Variants in PAGE2B observed in about 807,000 individuals in gnomAD.
PAGE2B encodes PAGE family member 2B.
A neutral mutation model predicts 7.6 loss-of-function variants in PAGE2B; 5 were observed. The observed-to-expected ratio is 0.66, with a 90% CI of 0.34 to 1.38. The LOEUF is 1.38. PAGE2B is among the 40% of genes most tolerant of loss of function. PAGE2B has a pLI of 0.04. For missense variants in PAGE2B, 70 were observed against 78.4 expected, an observed-to-expected ratio of 0.89 and a Z score of 0.41; for synonymous variants, 29 against 26.7, an observed-to-expected ratio of 1.09 and a Z score of -0.27.
chrX:55,052,192 G>A, the PAGE2B span, among the ~76,000 whole-genome samples: 8 of 111,696 alleles, frequency 7.2e-5, no homozygotes, highest in African/African-American at 2.3e-4. Context: ...AGGAGTACCC[G>A]GCCGTGTGAG....
At chrX:55,029,986 A>G in the PAGE2B span, among the ~76,000 whole-genome samples, 1 of 80,980 alleles carries the variant, frequency 1.2e-5, no homozygotes, top group Admixed American at 2.0e-4. Context: ...TGCTTTGCAA[A>G]AGTCAATTAG....
intron 1 of PAGE2B, among the ~76,000 whole-genome samples, chrX:55,075,470 A>G (rs1436447622): frequency 9.0e-6 from 1 of 111,174 alleles, no homozygotes; most frequent in Non-Finnish European, 1.9e-5. Flanking sequence ...CCATGTGGTC[A>G]GTAAGGAAGG....
the PAGE2B span, among the ~76,000 whole-genome samples, chrX:55,058,159 G>C: frequency 1.8e-5 from 2 of 110,415 alleles, no homozygotes; most frequent in Non-Finnish European, 3.8e-5. Context: ...ATGTCAACTC[G>C]GTTGTAATAA....
chrX:55,041,324 G>A, the PAGE2B span, among the ~76,000 whole-genome samples: 11 of 109,887 alleles, frequency 1.0e-4, no homozygotes, highest in African/African-American at 2.6e-4. Context: ...CTCGTGATCC[G>A]CCCCCATCAG....
chrX:55,061,102 A>G, the PAGE2B span, among the ~76,000 whole-genome samples: 5 of 111,415 alleles, frequency 4.5e-5, no homozygotes, highest in Non-Finnish European at 9.5e-5. Flanking sequence ...GCTGCTAGTG[A>G]AAGTCCAGTG....
At chrX:55,057,016 T>A in the PAGE2B span, among the ~76,000 whole-genome samples, 1 of 111,349 alleles carries the variant, frequency 9.0e-6, no homozygotes. Context: ...TAGTACCAAA[T>A]TGATGCAGAG....
At chrX:55,074,762 T>G (rs1159023036), upstream of PAGE2B, among the ~76,000 whole-genome samples, 1 of 112,696 alleles carries the variant, frequency 8.9e-6, no homozygotes, top group Non-Finnish European at 1.9e-5. Flanking sequence ...AAACACATTA[T>G]TAGAGTAACC....
chrX:55,067,718 G>A, the PAGE2B span, among the ~76,000 whole-genome samples: 1 of 111,666 alleles, frequency 9.0e-6, no homozygotes, highest in East Asian at 2.8e-4. Flanking sequence ...AGCATCTGTT[G>A]TTTCTTGAGT....
chrX:55,073,607 C>T (rs185612142), upstream of PAGE2B, among the ~76,000 whole-genome samples: 17 of 112,036 alleles, frequency 1.5e-4, no homozygotes, highest in Admixed American at 1.6e-3. Context: ...ATCACTGAAT[C>T]TATAAATTTC....
chrX:55,038,217 C>T, the PAGE2B span, among the ~76,000 whole-genome samples: 1 of 110,769 alleles, frequency 9.0e-6, no homozygotes, highest in African/African-American at 3.3e-5. Context: ...ATATAATTCA[C>T]ATATTCATAA....
chrX:55,050,131 T>C, the PAGE2B span, among the ~76,000 whole-genome samples: 1 of 112,790 alleles, frequency 8.9e-6, no homozygotes, highest in African/African-American at 3.2e-5. Context: ...AGTGAGTTTC[T>C]TAATCCTGAG....
chrX:55,045,174 A>T, the PAGE2B span: 1 of 112,094 alleles, frequency 8.9e-6, no homozygotes, highest in East Asian at 2.8e-4. Context: ...TACCTAAAAA[A>T]TTCAGAGTTC....
chrX:55,059,795 G>T, the PAGE2B span, among the ~76,000 whole-genome samples: 1 of 110,988 alleles, frequency 9.0e-6, no homozygotes, highest in Non-Finnish European at 1.9e-5. Flanking sequence ...GCCAACCCCT[G>T]GTAACCACCA....
chrX:55,040,291 C>G, the PAGE2B span, among the ~76,000 whole-genome samples: 1 of 109,892 alleles, frequency 9.1e-6, no homozygotes, highest in African/African-American at 3.3e-5. Context: ...TTCCTCCCCC[C>G]TCCCCCACCC....
At chrX:55,073,053 G>A (rs1305654106), upstream of PAGE2B, among the ~76,000 whole-genome samples, 1 of 111,351 alleles carries the variant, frequency 9.0e-6, no homozygotes, top group East Asian at 2.8e-4. Flanking sequence ...CCCGGATTCA[G>A]CCCCCTTTCC....
chrX:55,064,634 TG>T, the PAGE2B span, among the ~76,000 whole-genome samples: 1 of 111,328 alleles, frequency 9.0e-6, no homozygotes, highest in Admixed American at 9.6e-5. Flanking sequence ...GATGCAATGT[TG>T]GTTTTTTTTT....
chrX:55,048,892 A>G, the PAGE2B span, among the ~76,000 whole-genome samples: 197 of 111,872 alleles, frequency 1.8e-3, 2 homozygotes, highest in African/African-American at 5.9e-3. Context: ...CCAGTTTTCA[A>G]AGTGAATGCT....
the PAGE2B span, among the ~76,000 whole-genome samples, chrX:55,040,249 G>A: frequency 9.1e-6 from 1 of 109,685 alleles, no homozygotes; most frequent in African/African-American, 3.3e-5. Flanking sequence ...CCATTAACTC[G>A]TCATTTACAT....
upstream of PAGE2B, among the ~76,000 whole-genome samples, chrX:55,070,640 G>T (rs1437025730): frequency 9.0e-6 from 1 of 111,368 alleles, no homozygotes; most frequent in Non-Finnish European, 1.9e-5. Flanking sequence ...GGGTGTTAAA[G>T]TCTCCCATTA....
Sources: allele counts gnomAD v4.1 joint callset (sites outside exome capture counted in the v4.1 genomes callset), GRCh38; gene constraint gnomAD v4.1.1; transcripts MANE v1.5; gene names NCBI Gene and HGNC (gene_info 2026-07-23, HGNC 2026-07-21).